Variants in PLB1 observed in about 807,000 individuals in gnomAD.
PLB1 encodes phospholipase B1.
PLB1 carries 242 observed loss-of-function variants against 227.4 expected under a neutral mutation model. That is an observed-to-expected ratio of 1.06 (90% confidence interval 0.96 to 1.18). The LOEUF is 1.18. Among genes scored for constraint, PLB1 ranks in the 50% most tolerant of loss-of-function variants. The pLI, the probability that PLB1 is intolerant of heterozygous loss-of-function variation, is 0.00. For synonymous variants in PLB1, 757 were observed against 682.2 expected (o/e 1.11, Z -1.71); for missense variants, 1,858 against 1,816.3 (o/e 1.02, Z -0.42).
chr2:28,502,820 T>C lies in PLB1; in HGVS notation c.55+6651T>C, dbSNP rs1156897936. Among the ~76,000 whole-genome samples the C allele has an allele frequency of 2.0e-5, 3 of 152,194 alleles. No individual in the cohort carries two copies. In the East Asian group the frequency reaches 5.8e-4, roughly 29 times the overall value. On this transcript the variant is annotated intron_variant, in intron 1 of 57. Transcript: ENST00000327757. ...AATAATGGATTTTTTTTCCTTTTAATGTTTGGTAGAACTTGCCAATGAAGC... is the reference window on the plus strand; with the variant it reads ...AATAATGGATTTTTTTTCCTTTTAACGTTTGGTAGAACTTGCCAATGAAGC...
At chr2:28,633,119 ACTGGAGACATGGCTC>A in intron 56 of PLB1, 80 bp downstream of exon 56, 1 of 1,222,314 alleles carries the variant, frequency 8.2e-7, no homozygotes, top group Non-Finnish European at 1.2e-6. Flanking sequence ...TGGCAAAACT[ACTGGAGACATGGCTC>A]CTTTCTCCCC....
intron 9 of PLB1, among the ~76,000 whole-genome samples, chr2:28,534,710 C>T (rs556719075): frequency 4.6e-5 from 7 of 152,014 alleles, no homozygotes; most frequent in Admixed American, 1.3e-4. Flanking sequence ...AAAAATTAGC[C>T]GGGCTTGGTG....
chr2:28,605,179 G>T (rs1684495825), intron 41 of PLB1, among the ~76,000 whole-genome samples: 1 of 152,196 alleles, frequency 6.6e-6, no homozygotes, highest in African/African-American at 2.4e-5. Flanking sequence ...TCTCTCGTGT[G>T]CAACGCTGCG....
chr2:28,611,698 T>G (rs2148314882), intron 43 of PLB1, among the ~76,000 whole-genome samples: 1 of 152,260 alleles, frequency 6.6e-6, no homozygotes, highest in Non-Finnish European at 1.5e-5. Context: ...CCCTCTTTGT[T>G]GGTGAATGCT....
At chr2:28,528,453 C>T (rs879616512) in intron 6 of PLB1, among the ~76,000 whole-genome samples, 1 of 152,172 alleles carries the variant, frequency 6.6e-6, no homozygotes, top group Non-Finnish European at 1.5e-5. Context: ...TGCATGTTCC[C>T]TGGAGCTTTC....
intron 22 of PLB1, among the ~76,000 whole-genome samples, chr2:28,579,304 C>G (rs1277649153): frequency 2.0e-5 from 3 of 152,340 alleles, no homozygotes; most frequent in East Asian, 3.9e-4. Flanking sequence ...CTTATCCCTT[C>G]CCCACTTCCT....
chr2:28,528,176 C>CCTGCCTG (rs1209167822), intron 6 of PLB1, among the ~76,000 whole-genome samples: 1 of 152,194 alleles, frequency 6.6e-6, no homozygotes, highest in Non-Finnish European at 1.5e-5. Context: ...CCACCCGCAC[C>CCTGCCTG]CTGCCTGCTG....
At chr2:28,546,071 C>T (rs932264255) in intron 14 of PLB1, among the ~76,000 whole-genome samples, 11 of 124,700 alleles carry the variant, frequency 8.8e-5, no homozygotes, top group African/African-American at 2.9e-4. Flanking sequence ...CTCCACCCAT[C>T]AGCATGGGAG....
chr2:28,516,048 GT>G (rs568694639), intron 1 of PLB1, among the ~76,000 whole-genome samples: 333 of 152,184 alleles, frequency 2.2e-3, no homozygotes, highest in Middle Eastern at 0.01. Flanking sequence ...CATTGTGGGT[GT>G]TTTTTTCCGC....
intron 20 of PLB1, among the ~76,000 whole-genome samples, chr2:28,567,358 C>T (rs917034948): frequency 3.9e-5 from 6 of 152,016 alleles, no homozygotes; most frequent in African/African-American, 1.2e-4. Flanking sequence ...CTGCTATTGC[C>T]GCAGGAGGAG....
intron 20 of PLB1, among the ~76,000 whole-genome samples, chr2:28,567,478 T>TG (rs1165873411): frequency 7.0e-6 from 1 of 142,558 alleles, no homozygotes; most frequent in African/African-American, 2.7e-5. Context: ...TCTTTTTTTT[T>TG]TTTTTTTTTT....
In PLB1 at chr2:28,624,474, C is replaced by T. The variant is rs573763622; in HGVS notation, c.3528-583C>T. 2.6e-5 allele frequency among the ~76,000 whole-genome samples: 4 copies of T among 151,720 alleles called. No homozygotes were observed. In the East Asian group the frequency reaches 7.7e-4, roughly 29 times the overall value. On this transcript the variant is annotated intron_variant, in intron 49 of 57. Transcript: ENST00000327757. ...CCAAATGGTATTGTTTTATTTATGGCAGACATCAGGGGATGAAGGGAGAAC... is the reference window on the plus strand; with the variant it reads ...CCAAATGGTATTGTTTTATTTATGGTAGACATCAGGGGATGAAGGGAGAAC...
In PLB1 at chr2:28,589,759, T is replaced by C. The variant is rs376120544; in HGVS notation, c.2005T>C (p.Trp669Arg). 6.8e-5 allele frequency: 109 copies of C among 1,613,114 alleles called. No homozygotes were observed. The highest frequency in any genetic ancestry group is 6.0e-5 in the Non-Finnish European group (71 of 1,179,422). The change falls in exon 28 of 58, where the codon TGG (tryptophan) becomes CGG (arginine). Residue 669 changes from tryptophan (W) to arginine (R), a missense_variant. Transcript: ENST00000327757. ...KSHSRAASAL[W>R]NNMLEPVGQK... is the part of the protein sequence containing the mutation. ...TCACTCCCGAGCAGCCAGTGCTCTC[T>C]GGAACAATATGGTAAGTGGCTGCGG...
chr2:28,641,066 T>C, intron 57 of PLB1, 65 bp downstream of exon 57: 3 of 1,492,264 alleles, frequency 2.0e-6, no homozygotes, highest in Non-Finnish European at 2.7e-6. Context: ...TCCTGTCCCC[T>C]GGAAGCACAG....
intron 14 of PLB1, among the ~76,000 whole-genome samples, chr2:28,544,254 G>A (rs1249584867): frequency 6.6e-6 from 1 of 152,206 alleles, no homozygotes; most frequent in African/African-American, 2.4e-5. Flanking sequence ...CTCTCAGTGT[G>A]CCTGGCACTT....
At chr2:28,503,862 G>A (rs959442947) in intron 1 of PLB1, among the ~76,000 whole-genome samples, 2 of 152,190 alleles carry the variant, frequency 1.3e-5, no homozygotes, top group Non-Finnish European at 2.9e-5. Context: ...GATTCAAGGT[G>A]AAGGAAATAG....
intron 17 of PLB1, among the ~76,000 whole-genome samples, chr2:28,557,782 T>C (rs932603408): frequency 6.6e-6 from 1 of 152,210 alleles, no homozygotes; most frequent in African/African-American, 2.4e-5. Context: ...TAAATAGTTC[T>C]TTTTCCAGGG....
At chr2:28,603,404 A>G (rs1684203095) in intron 39 of PLB1, among the ~76,000 whole-genome samples, 1 of 152,174 alleles carries the variant, frequency 6.6e-6, no homozygotes, top group African/African-American at 2.4e-5. Context: ...ATTATTCTTT[A>G]TATCTTACAC....
At chr2:28,583,886 C>T (rs1485426416) in intron 25 of PLB1, among the ~76,000 whole-genome samples, 1 of 152,014 alleles carries the variant, frequency 6.6e-6, no homozygotes, top group Non-Finnish European at 1.5e-5. Context: ...ATGCTTCTGG[C>T]TCAAAGCATT....
Sources: allele counts gnomAD v4.1 joint callset (sites outside exome capture counted in the v4.1 genomes callset), GRCh38; gene constraint gnomAD v4.1.1; transcripts MANE v1.5; gene names NCBI Gene and HGNC (gene_info 2026-07-23, HGNC 2026-07-21).